B3GALT1: variants seen among roughly 807,000 people sequenced by gnomAD.
The protein encoded by B3GALT1 is UDP-Gal:betaGlcNAc beta 1,3-galactosyltransferase, polypeptide 1.
Under a neutral mutation model 23.2 loss-of-function variants are expected in B3GALT1, and 10 were observed. That is an observed-to-expected ratio of 0.43 (90% CI 0.27 to 0.73). The LOEUF (loss-of-function observed/expected upper bound fraction) is 0.73. B3GALT1 is among the 30% of genes least tolerant of loss of function. The pLI is 0.21. For missense variants in B3GALT1, 299 were observed against 405.4 expected (o/e 0.74, Z 2.25); for synonymous variants, 156 against 141.5 (o/e 1.10, Z -0.73).
chr2:167,474,697 G>A (rs1030519426), intron 1 of B3GALT1, among the ~76,000 whole-genome samples: 1 of 152,114 alleles, frequency 6.6e-6, no homozygotes, highest in African/African-American at 2.4e-5. Flanking sequence ...GCATCGCAAG[G>A]TGAAATAGTT....
At chr2:167,831,904 G>A (rs969710202) in intron 4 of B3GALT1, among the ~76,000 whole-genome samples, 2 of 152,180 alleles carry the variant, frequency 1.3e-5, no homozygotes, top group African/African-American at 4.8e-5. Context: ...TAGATTTACA[G>A]TGGTAAAACC....
At chr2:167,596,339 C>T (rs1045667648) in intron 2 of B3GALT1, among the ~76,000 whole-genome samples, 1 of 152,208 alleles carries the variant, frequency 6.6e-6, no homozygotes, top group African/African-American at 2.4e-5. Context: ...TACATTTTTA[C>T]ATCCTTGCTC....
intron 1 of B3GALT1, among the ~76,000 whole-genome samples, chr2:167,385,237 T>C (rs16853548): frequency 0.032 from 4,887 of 152,258 alleles, 250 homozygotes; most frequent in African/African-American, 0.11. Flanking sequence ...CTCTTCCACC[T>C]ACTCTGTTTG....
chr2:167,293,523 T>C (rs1574020141), intron 1 of B3GALT1, among the ~76,000 whole-genome samples, 189 bp downstream of exon 1: 1 of 152,086 alleles, frequency 6.6e-6, no homozygotes, highest in East Asian at 2.0e-4. Context: ...CCTTCCGCGC[T>C]CACAGACTTT....
chr2:167,389,294 C>T (rs772576394), intron 1 of B3GALT1, among the ~76,000 whole-genome samples: 1 of 152,156 alleles, frequency 6.6e-6, no homozygotes, highest in South Asian at 2.1e-4. Context: ...AATTCAGATG[C>T]ATAGACATCA....
At chr2:167,304,208 G>A (rs1200366450) in intron 1 of B3GALT1, among the ~76,000 whole-genome samples, 2 of 152,278 alleles carry the variant, frequency 1.3e-5, no homozygotes, top group South Asian at 2.1e-4. Context: ...TCTCCTTCAT[G>A]GGAGAAGAAG....
intron 2 of B3GALT1, among the ~76,000 whole-genome samples, chr2:167,599,465 A>G (rs968426932): frequency 1.3e-5 from 2 of 152,358 alleles, no homozygotes; most frequent in South Asian, 4.1e-4. Flanking sequence ...ATCACATTCA[A>G]GAGCCTAGTT....
intron 3 of B3GALT1, among the ~76,000 whole-genome samples, chr2:167,690,874 G>A (rs1686701097): frequency 6.6e-6 from 1 of 152,100 alleles, no homozygotes; most frequent in African/African-American, 2.4e-5. Context: ...TTTGCATGCA[G>A]AAGAATGCTT....
At chr2:167,512,524 A>G (rs1004583613) in intron 2 of B3GALT1, among the ~76,000 whole-genome samples, 8 of 140,486 alleles carry the variant, frequency 5.7e-5, no homozygotes, top group Non-Finnish European at 7.6e-5. Flanking sequence ...ATACATATAT[A>G]TGTGTGTGTG....
At chr2:167,858,829 T>G (rs1690046919) in intron 4 of B3GALT1, among the ~76,000 whole-genome samples, 1 of 152,186 alleles carries the variant, frequency 6.6e-6, no homozygotes. Flanking sequence ...GTTCCATGTA[T>G]TATCAGTCGC....
chr2:167,584,004 A>G (rs1227634240), intron 2 of B3GALT1, among the ~76,000 whole-genome samples: 1 of 134,766 alleles, frequency 7.4e-6, no homozygotes, highest in East Asian at 2.6e-4. Context: ...GAGTAATTCA[A>G]GATAGCTAGA....
intron 2 of B3GALT1, among the ~76,000 whole-genome samples, chr2:167,548,685 AGT>A (rs71031297): frequency 0.011 from 1,603 of 144,552 alleles, 9 homozygotes; most frequent in Middle Eastern, 0.024. Flanking sequence ...CGTGTGTGTG[AGT>A]GTGTGTGTGT....
intron 2 of B3GALT1, among the ~76,000 whole-genome samples, chr2:167,599,850 G>C (rs1684842485): frequency 6.6e-6 from 1 of 152,096 alleles, no homozygotes; most frequent in Non-Finnish European, 1.5e-5. Context: ...TATTTGTGTG[G>C]GAAAGTTAGT....
chr2:167,825,228 G>A (rs1488581588), intron 4 of B3GALT1, among the ~76,000 whole-genome samples: 1 of 148,476 alleles, frequency 6.7e-6, no homozygotes, highest in Non-Finnish European at 1.5e-5. Context: ...AGCTTGCAGT[G>A]AGCCGAGATC....
At chr2:167,492,734 G>A (rs1699728328) in intron 2 of B3GALT1, among the ~76,000 whole-genome samples, 1 of 152,126 alleles carries the variant, frequency 6.6e-6, no homozygotes, top group Non-Finnish European at 1.5e-5. Flanking sequence ...AAAAGAGAGT[G>A]TGACTGCCCA....
At chr2:167,323,207 A>T (rs1646104831) in intron 1 of B3GALT1, among the ~76,000 whole-genome samples, 1 of 152,136 alleles carries the variant, frequency 6.6e-6, no homozygotes, top group South Asian at 2.1e-4. Context: ...CTGATAATGT[A>T]AATGTCATAA....
At chr2:167,680,039 CT>C (rs929758874) in intron 3 of B3GALT1, among the ~76,000 whole-genome samples, 11 of 152,142 alleles carry the variant, frequency 7.2e-5, no homozygotes, top group Admixed American at 5.9e-4. Context: ...GTCTAAGTTA[CT>C]TTTTTTTCCA....
chr2:167,512,606 A>ATGTATATATATATG, intron 2 of B3GALT1, among the ~76,000 whole-genome samples: 1 of 95,294 alleles, frequency 1.0e-5, no homozygotes, highest in African/African-American at 7.2e-5. Flanking sequence ...ATATATATAT[A>ATGTATATATATATG]TGTATATATA....
intron 1 of B3GALT1, among the ~76,000 whole-genome samples, chr2:167,345,255 A>AAGAAT (rs1697210476): frequency 6.6e-6 from 1 of 152,078 alleles, no homozygotes; most frequent in Admixed American, 6.6e-5. Context: ...GATAGATTCA[A>AAGAAT]ACACTATAGG....
Sources: allele counts gnomAD v4.1 joint callset (sites outside exome capture counted in the v4.1 genomes callset), GRCh38; gene constraint gnomAD v4.1.1; transcripts MANE v1.5; gene names NCBI Gene and HGNC (gene_info 2026-07-23, HGNC 2026-07-21).